The following PTPRO variants were observed in gnomAD, a reference collection of about 807,000 sequenced individuals.
The protein encoded by PTPRO is protein tyrosine phosphatase receptor type O, also known as receptor-type tyrosine-protein phosphatase O.
PTPRO carries 62 observed loss-of-function variants against 145.2 expected under a neutral mutation model. The ratio of observed to expected loss-of-function variants is 0.43; its 90% CI spans 0.35 to 0.53. The LOEUF is 0.53. Ranked by LOEUF, PTPRO falls within the 20% of genes least tolerant of loss-of-function variation. The probability of loss-of-function intolerance (pLI) is 0.01; values close to 1 mark genes in which losing one functional copy is unlikely to be tolerated. For synonymous variants in PTPRO, 565 were observed against 514.7 expected (o/e 1.10, Z -1.32); for missense variants, 1,345 against 1,482.7 (o/e 0.91, Z 1.53).
intron 14 of PTPRO, among the ~76,000 whole-genome samples, chr12:15,551,065 G>T (rs1218521304): frequency 6.6e-6 from 1 of 152,162 alleles, no homozygotes; most frequent in Non-Finnish European, 1.5e-5. Flanking sequence ...AAGTGCTTCA[G>T]CAGATGGTAG....
chr12:15,481,561 C>T (rs1410685665), intron 1 of PTPRO, among the ~76,000 whole-genome samples: 1 of 152,190 alleles, frequency 6.6e-6, no homozygotes, highest in Admixed American at 6.5e-5. Flanking sequence ...GGATCAACCA[C>T]ATGAAAAGCA....
intron 1 of PTPRO, among the ~76,000 whole-genome samples, chr12:15,330,284 A>G (rs1866570154): frequency 6.6e-6 from 1 of 152,246 alleles, no homozygotes; most frequent in Non-Finnish European, 1.5e-5. Context: ...AAGAGTGGCA[A>G]TGTTGAAAAA....
intron 24 of PTPRO, among the ~76,000 whole-genome samples, chr12:15,587,385 C>T (rs551777321): frequency 3.3e-5 from 5 of 152,240 alleles, no homozygotes; most frequent in Admixed American, 1.3e-4. Flanking sequence ...AGATCATGCC[C>T]TTAATATGTG....
intron 1 of PTPRO, among the ~76,000 whole-genome samples, chr12:15,401,005 G>A (rs76952325): frequency 3.7e-4 from 56 of 152,232 alleles, no homozygotes; most frequent in African/African-American, 9.4e-4. Context: ...AAGTGTTTTC[G>A]CTTTTTTGTT....
intron 1 of PTPRO, among the ~76,000 whole-genome samples, chr12:15,413,947 A>G (rs1268656947): frequency 6.6e-6 from 1 of 152,250 alleles, no homozygotes; most frequent in African/African-American, 2.4e-5. Flanking sequence ...AGGAACCAGT[A>G]ATATATTGAA....
At chr12:15,544,542 G>C (rs1358853201) in intron 12 of PTPRO, among the ~76,000 whole-genome samples, 2 of 148,522 alleles carry the variant, frequency 1.3e-5, no homozygotes, top group African/African-American at 4.9e-5. Context: ...AAAGGAAAAG[G>C]TAACGAGTTT....
chr12:15,413,029 G>A (rs1032905380), intron 1 of PTPRO, among the ~76,000 whole-genome samples: 8 of 152,038 alleles, frequency 5.3e-5, no homozygotes, highest in Admixed American at 5.2e-4. Context: ...CTGACCTGAG[G>A]TGATCCACCC....
At chr12:15,366,954 G>A (rs1938379836) in intron 1 of PTPRO, among the ~76,000 whole-genome samples, 1 of 152,058 alleles carries the variant, frequency 6.6e-6, no homozygotes, top group African/African-American at 2.4e-5. Flanking sequence ...GGAAAAAAAT[G>A]AAAGGTCACT....
At chr12:15,449,124 A>AG (rs1275556466) in intron 1 of PTPRO, among the ~76,000 whole-genome samples, 2 of 5,824 alleles carry the variant, frequency 3.4e-4, no homozygotes, top group Non-Finnish European at 0.025. Flanking sequence ...ATTTACAGAC[A>AG]AAAAAAAAAA....
chr12:15,396,658 C>A (rs894425763), intron 1 of PTPRO, among the ~76,000 whole-genome samples: 1 of 152,106 alleles, frequency 6.6e-6, no homozygotes, highest in East Asian at 1.9e-4. Flanking sequence ...CCTACAGGCT[C>A]ATTCTCTATT....
intron 1 of PTPRO, among the ~76,000 whole-genome samples, chr12:15,335,106 A>G (rs983414027): frequency 1.6e-4 from 24 of 152,122 alleles, no homozygotes; most frequent in Admixed American, 1.5e-3. Flanking sequence ...ACTAAAGTGT[A>G]ATTATAAAAA....
chr12:15,389,126 C>T (rs1327287406), intron 1 of PTPRO, among the ~76,000 whole-genome samples: 2 of 135,326 alleles, frequency 1.5e-5, no homozygotes, highest in Non-Finnish European at 3.0e-5. Context: ...TTTTTTGAGA[C>T]AGAGTCTCAC....
intron 1 of PTPRO, among the ~76,000 whole-genome samples, chr12:15,353,118 A>G (rs751546482): frequency 1.3e-5 from 2 of 152,180 alleles, no homozygotes; most frequent in Non-Finnish European, 2.9e-5. Flanking sequence ...CATTCACCTT[A>G]TAACTCCCAT....
chr12:15,471,132 C>A (rs1159572286), intron 1 of PTPRO, among the ~76,000 whole-genome samples: 2 of 152,016 alleles, frequency 1.3e-5, no homozygotes, highest in East Asian at 3.9e-4. Context: ...AAGAATGTAT[C>A]TATTGGGAAG....
chr12:15,509,436 C>T (rs1257015635), intron 7 of PTPRO, among the ~76,000 whole-genome samples: 1 of 151,254 alleles, frequency 6.6e-6, no homozygotes, highest in Non-Finnish European at 1.5e-5. Flanking sequence ...GGGGCTCACA[C>T]CTTTAATCCC....
intron 1 of PTPRO, among the ~76,000 whole-genome samples, chr12:15,417,096 T>A (rs1467333694): frequency 6.6e-6 from 1 of 151,724 alleles, no homozygotes; most frequent in African/African-American, 2.4e-5. Flanking sequence ...TTCCTAGGAA[T>A]GATCCTCTCC....
chr12:15,445,172 T>A (rs1389052197), intron 1 of PTPRO, among the ~76,000 whole-genome samples: 2 of 152,166 alleles, frequency 1.3e-5, no homozygotes, highest in Non-Finnish European at 2.9e-5. Context: ...TCAGAAAGTA[T>A]AATAGTGGTT....
rs370441186 is a variant in PTPRO, at chr12:15,513,353, C to T, written c.1465-2145C>T. On this transcript the variant is annotated intron_variant, in intron 7 of 26. Transcript: ENST00000281171. ...ATATAGTTGACTAAATCTGCCTATA[C>T]GGCTTCCAGCAGAATTAAAAATCTA... is the stretch of plus-strand genomic sequence containing the variant. Among the ~76,000 whole-genome samples the T allele has an allele frequency of 1.4e-4, 21 of 152,136 alleles. No homozygotes were observed. The South Asian group carries it at 1.5e-3, about 11-fold the overall frequency.
rs185198900 is a variant in PTPRO at position 15,563,661 on chromosome 12, A to G, written c.2712-1932A>G. Among the ~76,000 whole-genome samples, 287 of 152,188 alleles carry G rather than the reference A, an allele frequency of 1.9e-3. 1 individual carries two copies. The highest frequency in any genetic ancestry group is 3.3e-3 in the Non-Finnish European group (227 of 67,974). ...ATTCAATAATGAATGAGATTGAAAG[A>G]AAAAAAATGTGTCTCTCCTCCATGA... is the stretch of plus-strand genomic sequence containing the variant. On this transcript the variant is annotated intron_variant, in intron 17 of 26. Coordinates refer to ENST00000281171, the MANE Select transcript of PTPRO (RefSeq NM_030667.3).
Sources: gnomAD v4.1 joint callset for allele counts (sites outside exome capture counted in the v4.1 genomes callset) on GRCh38, gnomAD v4.1.1 for gene constraint, MANE v1.5 for transcripts, NCBI Gene and HGNC (gene_info 2026-07-23, HGNC 2026-07-21) for gene names.